ARPP19: variants seen among roughly 807,000 people sequenced by gnomAD.
The protein encoded by ARPP19 is cAMP-regulated phosphoprotein 19.
ARPP19 carries 8 observed loss-of-function variants against 12.0 expected under a neutral mutation model. The ratio of observed to expected loss-of-function variants is 0.67; its 90% confidence interval spans 0.39 to 1.21. The LOEUF is 1.21. Among genes scored for constraint, ARPP19 ranks in the 50% most tolerant of loss-of-function variants. ARPP19 has a pLI of 0.01. For synonymous variants in ARPP19, 47 were observed against 50.4 expected (o/e 0.93, Z 0.29); for missense variants, 102 against 136.3 (o/e 0.75, Z 1.25).
chr15:52,561,599 C>A (rs151149251), intron 1 of ARPP19, among the ~76,000 whole-genome samples: 6 of 151,466 alleles, frequency 4.0e-5, no homozygotes, highest in African/African-American at 1.2e-4. Context: ...CAAGGGGAAC[C>A]AATTAAATAG....
rs2077891505 is a variant in ARPP19, at chr15:52,547,775, G to A, written c.*4159C>T. ...AATGTGGCTCAAATTAGTCAATATT[G>A]ATTAGGATATTGTTTTAGAAAATTT... On this transcript the variant is annotated 3_prime_UTR_variant, in exon 3 of 3. Coordinates refer to ENST00000249822, the MANE Select transcript of ARPP19 (RefSeq NM_006628.6). 1 of 152,184 alleles carries A rather than the reference G, an allele frequency of 6.6e-6. No homozygotes were observed. The highest frequency in any genetic ancestry group is 1.5e-5 in the Non-Finnish European group (1 of 68,038). The allele number at this position is 152,184 out of a possible 1,614,324, so 9.4% of individuals were successfully genotyped here. A position where few individuals can be genotyped will look rare whatever the true frequency, so the allele number is the denominator to read the frequency against.
rs117862230 is a variant in ARPP19, at chr15:52,551,797, T to A, written c.*137A>T. ...AACTCTACACACGTATATTCCACAA[T>A]AGCAGCACACACTACTGCTACCTGC... On this transcript the variant is annotated 3_prime_UTR_variant, in exon 3 of 3. Transcript: ENST00000249822. 3 of 683,462 alleles carry A rather than the reference T, an allele frequency of 4.4e-6. No homozygotes were observed. The highest frequency in any genetic ancestry group is 3.6e-5 in the African/African-American group (2 of 55,866). 42.3% of individuals were successfully genotyped at this position (683,462 alleles called of 1,614,324 possible).
chr15:52,562,930 C>T (rs1011882379), intron 1 of ARPP19, among the ~76,000 whole-genome samples: 4 of 146,052 alleles, frequency 2.7e-5, no homozygotes, highest in Non-Finnish European at 6.0e-5. Flanking sequence ...TGTGGTGGCA[C>T]GATCTCGGCT....
rs574596470 is a variant in ARPP19 at position 52,558,024 on chromosome 15, C to T, written c.46-802G>A. Among the ~76,000 whole-genome samples the T allele has an allele frequency of 2.0e-5, 3 of 152,294 alleles. No individual in the cohort carries two copies. The East Asian group carries it at 5.8e-4, about 29-fold the overall frequency. ...CTTTAATATATCAAAAACCTGTTTCCTGACAGAACTATCAATTCTTCCATC... is the reference window on the plus strand; with the variant it reads ...CTTTAATATATCAAAAACCTGTTTCTTGACAGAACTATCAATTCTTCCATC... On this transcript the variant is annotated intron_variant, in intron 1 of 2. Transcript: ENST00000249822.
intron 1 of ARPP19, among the ~76,000 whole-genome samples, chr15:52,566,857 G>A (rs2078087685): frequency 6.6e-6 from 1 of 152,140 alleles, no homozygotes. Context: ...CTTACCAAGG[G>A]TGCACACACC....
chr15:52,566,207 G>A (rs1370937672), intron 1 of ARPP19, among the ~76,000 whole-genome samples: 3 of 151,988 alleles, frequency 2.0e-5, no homozygotes, highest in African/African-American at 7.3e-5. Flanking sequence ...TGCCCAGGCA[G>A]GAGTACAGTG....
chr15:52,553,500 G>A (rs2077954455), intron 2 of ARPP19, among the ~76,000 whole-genome samples: 1 of 152,166 alleles, frequency 6.6e-6, no homozygotes, highest in African/African-American at 2.4e-5. Flanking sequence ...TTTACTGAGT[G>A]CCTGCTATAT....
intron 1 of ARPP19, among the ~76,000 whole-genome samples, chr15:52,562,625 T>C (rs751439462): frequency 6.7e-6 from 1 of 150,068 alleles, no homozygotes; most frequent in Non-Finnish European, 1.5e-5. Flanking sequence ...AGTGAGACCC[T>C]GTTTCTTTAA....
In ARPP19 at chr15:52,564,236, T is replaced by C. The variant is rs570115880; in HGVS notation, c.45+4612A>G. 3.3e-5 allele frequency: 50 copies of C among 1,534,370 alleles called. No homozygotes were observed. The South Asian group carries it at 5.1e-4, about 16-fold the overall frequency. ...TGGTTGCAGAGACCAAGGGAGCATG[T>C]TGTGTTCACTCTGAATAGAAATAGA... is the stretch of plus-strand genomic sequence containing the variant. On this transcript the variant is annotated intron_variant, in intron 1 of 2. Transcript: ENST00000249822.
chr15:52,560,328 T>C (rs746645149), intron 1 of ARPP19, among the ~76,000 whole-genome samples: 2 of 152,190 alleles, frequency 1.3e-5, no homozygotes, highest in Non-Finnish European at 2.9e-5. Context: ...AGGAATACAT[T>C]GATATATCAT....
chr15:52,557,439 C>A (rs2077991046), intron 1 of ARPP19: 1 of 474,772 alleles, frequency 2.1e-6, no homozygotes, highest in South Asian at 2.6e-5. Flanking sequence ...TGTGTAACAC[C>A]CCACACACTG....
At chr15:52,553,718 T>C (rs540955417) in intron 2 of ARPP19, among the ~76,000 whole-genome samples, 120 of 152,282 alleles carry the variant, frequency 7.9e-4, no homozygotes, top group African/African-American at 2.8e-3. Context: ...AAACAGATAA[T>C]ATTTATGGAA....
Position 52,552,026 on chromosome 15 carries a change from C to A in ARPP19, c.247G>T (p.Asp83Tyr). The A allele has an allele frequency of 6.2e-7, 1 of 1,610,462 alleles. No homozygotes were observed. Among genetic ancestry groups the A allele is most frequent in the Non-Finnish European group, 8.5e-7 (1 of 1,176,676 alleles). Residue 83 changes from aspartate (D) to tyrosine (Y), a missense_variant, in exon 3 of 3, where the codon GAT (aspartate) becomes TAT (tyrosine). Transcript: ENST00000249822. Reference protein sequence around the residue: ...KNKQLPTAAPDKTEVTGDHIP... With the variant: ...KNKQLPTAAPYKTEVTGDHIP... ...TGGTCACCAGTGACCTCCGTCTTAT[C>A]CGGAGCTGCAGTAGGAAGTTGCTTG...
chr15:52,563,708 A>G (rs1404380684), intron 1 of ARPP19, among the ~76,000 whole-genome samples: 2 of 152,228 alleles, frequency 1.3e-5, no homozygotes, highest in African/African-American at 4.8e-5. Context: ...CAACGTCAGC[A>G]ATAAAAATCT....
chr15:52,565,238 C>T (rs563748997), intron 1 of ARPP19, among the ~76,000 whole-genome samples: 4 of 151,710 alleles, frequency 2.6e-5, no homozygotes, highest in African/African-American at 9.7e-5. Flanking sequence ...TTGCCCAGGC[C>T]GGTCTCAAAC....
chr15:52,565,483 T>A (rs1285193891), intron 1 of ARPP19, among the ~76,000 whole-genome samples: 1 of 152,222 alleles, frequency 6.6e-6, no homozygotes, highest in Non-Finnish European at 1.5e-5. Context: ...TATAAGCATA[T>A]TCTGGGGAAT....
intron 1 of ARPP19, among the ~76,000 whole-genome samples, chr15:52,560,370 T>A (rs957203207): frequency 1.3e-5 from 2 of 149,530 alleles, no homozygotes; most frequent in Admixed American, 1.3e-4. Context: ...TAAAAAATGT[T>A]TGGGTAAAAC....
chr15:52,566,528 C>T (rs2078083765), intron 1 of ARPP19, among the ~76,000 whole-genome samples: 1 of 152,116 alleles, frequency 6.6e-6, no homozygotes, highest in Non-Finnish European at 1.5e-5. Flanking sequence ...AAGTGATCCT[C>T]CCACCTCAGC....
chr15:52,567,383 T>C (rs1021899610), intron 1 of ARPP19, among the ~76,000 whole-genome samples: 1 of 152,218 alleles, frequency 6.6e-6, no homozygotes, highest in Non-Finnish European at 1.5e-5. Context: ...TTTGGCAACA[T>C]ACTAACAGAA....
Sources: gnomAD v4.1 joint callset for allele counts (sites outside exome capture counted in the v4.1 genomes callset) on GRCh38, gnomAD v4.1.1 for gene constraint, MANE v1.5 for transcripts, NCBI Gene and HGNC (gene_info 2026-07-23, HGNC 2026-07-21) for gene names.